NF2: variants seen among roughly 807,000 people sequenced by gnomAD.
The protein encoded by NF2 is merlin.
A neutral mutation model predicts 83.7 loss-of-function variants in NF2; 8 were observed. The observed-to-expected ratio is 0.10, with a 90% CI of 0.06 to 0.17. NF2 has a LOEUF of 0.17. NF2 is among the 10% of genes least tolerant of loss of function. NF2 has a pLI of 1.00. For missense variants in NF2, 533 were observed against 744.4 expected (o/e 0.72, Z 3.31); for synonymous variants, 266 against 269.6 (o/e 0.99, Z 0.13).
intron 2 of NF2, among the ~76,000 whole-genome samples, chr22:29,638,627 T>C (rs2065713490): frequency 6.6e-6 from 1 of 152,136 alleles, no homozygotes; most frequent in African/African-American, 2.4e-5. Context: ...GCTGGGATTA[T>C]AGGTGTGAGC....
chr22:29,617,263 A>G (rs888676847), intron 1 of NF2, among the ~76,000 whole-genome samples: 20 of 152,202 alleles, frequency 1.3e-4, no homozygotes, highest in Admixed American at 7.9e-4. Context: ...TTTCAGCCGC[A>G]ATTTTGCCAG....
intron 1 of NF2, among the ~76,000 whole-genome samples, chr22:29,629,401 C>T (rs1286149345): frequency 6.6e-6 from 1 of 152,184 alleles, no homozygotes; most frequent in Non-Finnish European, 1.5e-5. Flanking sequence ...TATTTGGCCT[C>T]TATTTTTCAA....
In NF2 at chr22:29,695,299, G is replaced by T; in HGVS notation, c.*497G>T. 3.6e-6 allele frequency: 1 copy of T among 277,154 alleles called. No homozygotes were observed. The highest frequency in any genetic ancestry group is 4.7e-5 in the Admixed American group (1 of 21,438). The allele number at this position is 277,154 out of a possible 1,614,324, so 17.2% of individuals were successfully genotyped here. ...AGCCCGGCGGATCCCAGGCCAGCAC[G>T]CCTGCCGGCTTCTCATCGTCAGGGA... On this transcript the variant is annotated 3_prime_UTR_variant, in exon 16 of 16. Coordinates refer to ENST00000338641, the MANE Select transcript of NF2 (RefSeq NM_000268.4). The surrounding 1 kb of genome is among the most constrained non-coding windows in gnomAD (Gnocchi z 5.4).
intron 13 of NF2, 107 bp from the exon 14 acceptor site, chr22:29,678,089 G>GGCAA: frequency 6.8e-7 from 1 of 1,475,864 alleles, no homozygotes; most frequent in Non-Finnish European, 9.4e-7. Flanking sequence ...TGGGACCCGA[G>GGCAA]TTGTGCCCAT....
intron 1 of NF2, among the ~76,000 whole-genome samples, chr22:29,613,095 T>G (rs1356823059): frequency 6.8e-6 from 1 of 146,560 alleles, no homozygotes; most frequent in African/African-American, 2.5e-5. Context: ...AAACTCCATC[T>G]CAAAAAAAAA....
chr22:29,628,771 C>T (rs2065434535), intron 1 of NF2, among the ~76,000 whole-genome samples: 1 of 151,756 alleles, frequency 6.6e-6, no homozygotes, highest in Admixed American at 6.6e-5. Flanking sequence ...GCTGGGACTA[C>T]AGGTATGCGC....
intron 1 of NF2, among the ~76,000 whole-genome samples, chr22:29,617,108 T>C (rs566795118): frequency 8.3e-4 from 127 of 152,212 alleles, no homozygotes; most frequent in Non-Finnish European, 1.6e-3. Context: ...TTTGTATTTT[T>C]AGTAGAGATG....
At chr22:29,669,730 C>T (rs144683473) in intron 10 of NF2, among the ~76,000 whole-genome samples, 22 of 152,266 alleles carry the variant, frequency 1.4e-4, no homozygotes, top group Non-Finnish European at 2.9e-4. Flanking sequence ...AACCTGGCAT[C>T]TGGGCAACCA....
intron 15 of NF2, among the ~76,000 whole-genome samples, chr22:29,682,770 A>AC (rs1486275400): frequency 6.6e-6 from 1 of 151,818 alleles, no homozygotes; most frequent in Non-Finnish European, 1.5e-5. Flanking sequence ...CTCACCCCTT[A>AC]CCCCCAGCCT....
chr22:29,643,737 A>C (rs1377696540), intron 4 of NF2, among the ~76,000 whole-genome samples: 1 of 151,964 alleles, frequency 6.6e-6, no homozygotes. Flanking sequence ...TCTTTTCCCC[A>C]CCTTTCCCCC....
At chr22:29,606,772 A>G (rs1325851781) in intron 1 of NF2, among the ~76,000 whole-genome samples, 1 of 152,198 alleles carries the variant, frequency 6.6e-6, no homozygotes, top group Non-Finnish European at 1.5e-5. Context: ...TGACCGCAGC[A>G]TGGTGGCTCA....
chr22:29,657,923 A>G (rs1236436141), intron 6 of NF2, among the ~76,000 whole-genome samples: 1 of 152,222 alleles, frequency 6.6e-6, no homozygotes, highest in Non-Finnish European at 1.5e-5. Flanking sequence ...TACCAAGGGC[A>G]AGGTGGGAAA....
Position 29,694,777 on chromosome 22 carries a change from G to A in NF2, c.1763G>A (p.Arg588Gln), listed in dbSNP as rs766689587. 13 of 1,613,670 alleles carry A rather than the reference G, an allele frequency of 8.1e-6. No homozygotes were observed. The highest frequency in any genetic ancestry group is 2.2e-5 in the South Asian group (2 of 90,972). ...CTCACCTTGCAGAGCGCCAAGTCCC[G>A]AGTGGCCTTCTTTGAAGAGCTCTAG... ...KKLTLQSAKS[R>Q]VAFFEEL Residue 588 changes from arginine (R) to glutamine (Q), a missense_variant, in exon 16 of 16, where the codon CGA (arginine) becomes CAA (glutamine). Physicochemically the swap from Arg to Gln is conservative, Grantham distance 43. Transcript: ENST00000338641. The surrounding 1 kb of genome is among the most constrained non-coding windows in gnomAD (Gnocchi z 4.1).
Position 29,673,268 on chromosome 22 carries a change from G to T in NF2, c.1123-1G>T. ...TCAGCTAAGAGCACTGTGCCCTCCA[G>T]ATGCGGTCTGAGGAGACAGCTGACC... On this transcript the variant is annotated splice_acceptor_variant, in intron 11 of 15. Coordinates refer to ENST00000338641, the MANE Select transcript of NF2 (RefSeq NM_000268.4). LOFTEE classifies it high-confidence loss of function. 1 of 1,565,946 alleles carries T rather than the reference G, an allele frequency of 6.4e-7. No individual in the cohort carries two copies. The highest frequency in any genetic ancestry group is 8.7e-7 in the Non-Finnish European group (1 of 1,154,644).
At chr22:29,635,571 G>A (rs985640409) in intron 1 of NF2, among the ~76,000 whole-genome samples, 3 of 152,068 alleles carry the variant, frequency 2.0e-5, no homozygotes, top group Admixed American at 1.3e-4. Flanking sequence ...CTCATGATTC[G>A]CCTGCCTCAG....
At chr22:29,692,691 G>A (rs1254984343) in intron 15 of NF2, among the ~76,000 whole-genome samples, 1 of 152,212 alleles carries the variant, frequency 6.6e-6, no homozygotes, top group African/African-American at 2.4e-5. Context: ...GTTGTTGCCT[G>A]CACCCCTTCC....
intron 1 of NF2, among the ~76,000 whole-genome samples, chr22:29,634,277 C>CT (rs1402150428): frequency 2.0e-4 from 30 of 152,184 alleles, no homozygotes; most frequent in African/African-American, 3.6e-4. Flanking sequence ...AGTTAAAAAT[C>CT]TAAGTAGGGC....
chr22:29,640,175 A>G (rs1407086681), intron 3 of NF2, among the ~76,000 whole-genome samples: 1 of 135,076 alleles, frequency 7.4e-6, no homozygotes, highest in Non-Finnish European at 1.5e-5. Flanking sequence ...AGCCTGGGTG[A>G]CAGAGTGAGA....
At position 29,696,066 on chromosome 22, in the gene NF2, C is replaced by CT. The variant is rs886057354; in HGVS notation, c.*1287dup. The CT allele has an allele frequency of 0.091, 14,142 of 154,736 alleles. 719 individuals are homozygous for CT. The highest frequency in any genetic ancestry group is 0.1 in the African/African-American group (3,125 of 30,084). The allele number at this position is 154,736 out of a possible 1,614,324, so 9.6% of individuals were successfully genotyped here. ...GTCTGGGGCCACCTTCTTGCCCTTT[C>CT]TTTTTTTTTTTTTTTTTTTTTTTCC... is the stretch of plus-strand genomic sequence containing the variant. On this transcript the variant is annotated 3_prime_UTR_variant, in exon 16 of 16. Coordinates refer to ENST00000338641, the MANE Select transcript of NF2 (RefSeq NM_000268.4).
Sources: gnomAD v4.1 joint callset for allele counts (sites outside exome capture counted in the v4.1 genomes callset) on GRCh38, gnomAD v4.1.1 for gene constraint, Gnocchi (gnomAD v3.1) non-coding constraint, MANE v1.5 for transcripts, NCBI Gene and HGNC (gene_info 2026-07-23, HGNC 2026-07-21) for gene names.